RHBDL2: variants seen among roughly 807,000 people sequenced by gnomAD.
RHBDL2 encodes rhomboid-related protein 2.
RHBDL2 carries 26 observed loss-of-function variants against 31.7 expected under a neutral mutation model. The ratio of observed to expected loss-of-function variants is 0.82; its 90% CI spans 0.60 to 1.14. RHBDL2 has a LOEUF of 1.14. RHBDL2 is among the 50% of genes most tolerant of loss of function. RHBDL2 has a pLI of 0.00. For synonymous variants in RHBDL2, 123 were observed against 127.2 expected, an observed-to-expected ratio of 0.97 and a Z score of 0.22; for missense variants, 336 against 364.4, an observed-to-expected ratio of 0.92 and a Z score of 0.63.
At chr1:38,887,879 A>G (rs945653339) in intron 7 of RHBDL2, 84 bp downstream of exon 7, 55 of 983,084 alleles carry the variant, frequency 5.6e-5, no homozygotes, top group Non-Finnish European at 8.3e-5. Context: ...GCTGCCCTAA[A>G]TCACAGCGTT....
intron 1 of RHBDL2, among the ~76,000 whole-genome samples, chr1:38,932,964 C>G (rs1482798735): frequency 6.6e-6 from 1 of 152,154 alleles, no homozygotes; most frequent in Admixed American, 6.6e-5. Context: ...CACTCTGTTT[C>G]CACTCCTGCC....
At chr1:38,912,012 C>T (rs534343123) in intron 3 of RHBDL2, among the ~76,000 whole-genome samples, 3 of 151,820 alleles carry the variant, frequency 2.0e-5, no homozygotes, top group African/African-American at 7.2e-5. Context: ...GCTCTTGTTG[C>T]CCAGGCTGCA....
intron 1 of RHBDL2, among the ~76,000 whole-genome samples, chr1:38,936,009 C>A (rs566691404): frequency 1.3e-5 from 2 of 151,798 alleles, no homozygotes; most frequent in South Asian, 4.2e-4. Flanking sequence ...ACCTCTTGGG[C>A]TCAAGATATC....
chr1:38,891,351 C>T (rs1425150186), intron 6 of RHBDL2, among the ~76,000 whole-genome samples: 2 of 149,812 alleles, frequency 1.3e-5, no homozygotes, highest in African/African-American at 2.5e-5. Flanking sequence ...TCCAAAGAAA[C>T]ACATTTCAAA....
At position 38,888,114 on chromosome 1, in the gene RHBDL2, G is replaced by C. The variant is rs1268151026; in HGVS notation, c.671-90C>G. 3.8e-6 allele frequency: 3 copies of C among 786,844 alleles called. No individual in the cohort carries two copies. The African/African-American group carries it at 5.3e-5, about 14-fold the overall frequency. 48.7% of individuals were successfully genotyped at this position (786,844 alleles called of 1,614,324 possible). A position where few individuals can be genotyped will look rare whatever the true frequency, so the allele number is the denominator to read the frequency against. ...TTCCCCTCTAATAATAATAATACTA[G>C]CTATCATTTATTGATACTTAACTCT... is the stretch of plus-strand genomic sequence containing the variant. On this transcript the variant is annotated intron_variant, in intron 6 of 7. Coordinates refer to ENST00000372990, the MANE Select transcript of RHBDL2 (RefSeq NM_017821.5).
chr1:38,897,859 G>A (rs573734126), intron 4 of RHBDL2, among the ~76,000 whole-genome samples: 11 of 152,140 alleles, frequency 7.2e-5, no homozygotes, highest in Non-Finnish European at 1.5e-4. Flanking sequence ...GGCCGGGCAC[G>A]GTGGCTCACG....
rs1341854713 is a variant in RHBDL2 at position 38,886,082 on chromosome 1, C to CT, written c.*421dup. The stretch of plus-strand genomic sequence containing the variant: ...TCTCCTGCCTCAGCCTCGCAAGTAG[C>CT]TGGGACTACAGGCACACGCCACCAC... On this transcript the variant is annotated 3_prime_UTR_variant, in exon 8 of 8. Coordinates refer to ENST00000372990, the MANE Select transcript of RHBDL2 (RefSeq NM_017821.5). The CT allele has an allele frequency of 1.3e-5, 2 of 152,414 alleles. No homozygotes were observed. The highest frequency in any genetic ancestry group is 1.3e-4 in the Admixed American group (2 of 15,276). 9.4% of individuals were successfully genotyped at this position (152,414 alleles called of 1,614,324 possible). A position where few individuals can be genotyped will look rare whatever the true frequency, so the allele number is the denominator to read the frequency against.
At chr1:38,899,499 A>G (rs576122903) in intron 4 of RHBDL2, among the ~76,000 whole-genome samples, 1 of 152,298 alleles carries the variant, frequency 6.6e-6, no homozygotes, top group Non-Finnish European at 1.5e-5. Flanking sequence ...CCTCCCTAAC[A>G]GGCATGTGGG....
chr1:38,905,983 C>T (rs764590763), intron 4 of RHBDL2, among the ~76,000 whole-genome samples: 10 of 151,054 alleles, frequency 6.6e-5, no homozygotes, highest in Non-Finnish European at 1.2e-4. Context: ...AGGAGAATCG[C>T]TTGAACCTGG....
chr1:38,893,199 A>G lies in RHBDL2; in HGVS notation c.635T>C (p.Phe212Ser). ...GATGATCAGCAGTCTGAAAATTCCAAAGGCAGGAATCATTTCTTGAAAATT... is the reference window on the plus strand; with the variant it reads ...GATGATCAGCAGTCTGAAAATTCCAGAGGCAGGAATCATTTCTTGAAAATT... ...LVNFQEMIPA[F>S]GIFRLLIIIL... Residue 212 changes from phenylalanine to serine, a missense_variant, in exon 6 of 8, where the codon TTT (phenylalanine) becomes TCT (serine). Phe to Ser is a radical substitution (Grantham distance 155). Transcript: ENST00000372990. 6.4e-7 allele frequency: 1 copy of G among 1,569,602 alleles called. No homozygotes were observed. Among genetic ancestry groups the G allele is most frequent in the Non-Finnish European group, 8.8e-7 (1 of 1,140,806 alleles).
intron 4 of RHBDL2, among the ~76,000 whole-genome samples, chr1:38,904,822 G>A (rs960102913): frequency 6.2e-5 from 9 of 145,060 alleles, no homozygotes; most frequent in Admixed American, 1.4e-4. Context: ...ACGAGGTCAG[G>A]ATATCGAGAC....
chr1:38,902,726 A>AT (rs943280479), intron 4 of RHBDL2, among the ~76,000 whole-genome samples: 2 of 149,288 alleles, frequency 1.3e-5, no homozygotes, highest in South Asian at 2.1e-4. Flanking sequence ...AGCCTTTGTT[A>AT]TTTTTTTTTA....
intron 1 of RHBDL2, among the ~76,000 whole-genome samples, chr1:38,931,236 A>G (rs1002142075): frequency 1.3e-5 from 2 of 152,180 alleles, no homozygotes; most frequent in African/African-American, 4.8e-5. Flanking sequence ...AGAAATCTGC[A>G]GGCGGCCAGG....
rs373250090 is a variant in RHBDL2 at position 38,911,450 on chromosome 1, A to G, written c.396-16T>C. 5.3e-5 allele frequency: 81 copies of G among 1,534,736 alleles called. No individual in the cohort carries two copies. In the Middle Eastern group the frequency reaches 1.5e-3, roughly 29 times the overall value. On this transcript the variant is annotated splice_polypyrimidine_tract_variant and intron_variant, in intron 3 of 7. Transcript: ENST00000372990. ...GTGCTGAACTCTGCAAAGACAAACA[A>G]TAGTTGTCAAATATTATGACTAAAC... is the stretch of plus-strand genomic sequence containing the variant.
chr1:38,887,990 C>G lies in RHBDL2; in HGVS notation c.705G>C (p.Arg235Ser). The G allele has an allele frequency of 1.2e-6, 2 of 1,612,592 alleles. No homozygotes were observed. The highest frequency in any genetic ancestry group is 1.7e-6 in the Non-Finnish European group (2 of 1,178,870). The change falls in exon 7 of 8, where the codon AGG becomes AGC. Residue 235 changes from arginine (R) to serine (S), a missense_variant. Arg to Ser is a moderately radical substitution (Grantham distance 110). Coordinates refer to ENST00000372990, the MANE Select transcript of RHBDL2 (RefSeq NM_017821.5). Reference sequence around the variant, plus strand: ...GAGACCCATCTTCAGGAACAAAGAACCTTCTATAGAGAGCAAATCCCATGT... The same window carrying G: ...GAGACCCATCTTCAGGAACAAAGAAGCTTCTATAGAGAGCAAATCCCATGT... ...VLDMGFALYR[R>S]FFVPEDGSPV...
intron 1 of RHBDL2, among the ~76,000 whole-genome samples, chr1:38,924,693 A>G (rs1255448382): frequency 2.6e-5 from 4 of 152,022 alleles, no homozygotes; most frequent in Non-Finnish European, 5.9e-5. Flanking sequence ...TGTATTGGCC[A>G]AAGACTTGAA....
chr1:38,893,345 C>T lies in RHBDL2; in HGVS notation c.610-121G>A, dbSNP rs1642877499. 4 of 544,190 alleles carry T rather than the reference C, an allele frequency of 7.4e-6. No homozygotes were observed. In the Admixed American group the frequency reaches 1.2e-4, roughly 17 times the overall value. 33.7% of individuals were successfully genotyped at this position (544,190 alleles called of 1,614,324 possible). On this transcript the variant is annotated intron_variant, in intron 5 of 7. Coordinates refer to ENST00000372990, the MANE Select transcript of RHBDL2 (RefSeq NM_017821.5). ...CTTCCAGTATCAAATATTTGCAAAACAAAGCATGAGTGTCACAGCCGAGTT... is the reference window on the plus strand; with the variant it reads ...CTTCCAGTATCAAATATTTGCAAAATAAAGCATGAGTGTCACAGCCGAGTT...
chr1:38,893,725 C>G (rs1383839996), intron 5 of RHBDL2, among the ~76,000 whole-genome samples: 1 of 149,394 alleles, frequency 6.7e-6, no homozygotes, highest in East Asian at 2.0e-4. Context: ...TGGGGGCGCT[C>G]TTGGGGGGGT....
intron 2 of RHBDL2, among the ~76,000 whole-genome samples, 166 bp from the exon 3 acceptor site, chr1:38,915,876 G>T (rs1487657781): frequency 2.0e-5 from 3 of 152,140 alleles, no homozygotes; most frequent in African/African-American, 7.2e-5. Flanking sequence ...CCTCTGTGAT[G>T]GTTTCCACCG....
Sources: allele counts gnomAD v4.1 joint callset (sites outside exome capture counted in the v4.1 genomes callset), GRCh38; gene constraint gnomAD v4.1.1; transcripts MANE v1.5; gene names NCBI Gene and HGNC (gene_info 2026-07-23, HGNC 2026-07-21).